EYS: variants seen among roughly 807,000 people sequenced by gnomAD.
EYS encodes EGF-like photoreceptor maintenance factor, also known as protein eyes shut homolog.
Under a neutral mutation model 282.1 loss-of-function variants are expected in EYS, and 250 were observed. That is an observed-to-expected ratio of 0.89 (90% confidence interval 0.80 to 0.98). EYS has a LOEUF of 0.98. EYS is among the 50% of genes least tolerant of loss of function. The pLI is 0.00. For missense variants in EYS, 4,016 were observed against 3,709.0 expected (o/e 1.08, Z -2.15); for synonymous variants, 1,355 against 1,282.9 (o/e 1.06, Z -1.20).
chr6:65,040,289 G>A (rs1010367568), intron 13 of EYS, among the ~76,000 whole-genome samples: 1 of 151,682 alleles, frequency 6.6e-6, no homozygotes, highest in Non-Finnish European at 1.5e-5. Context: ...CTATGAGAGA[G>A]AATCTCTTCC....
At chr6:65,442,937 T>A (rs1276642706) in intron 5 of EYS, among the ~76,000 whole-genome samples, 1 of 93,324 alleles carries the variant, frequency 1.1e-5, no homozygotes, top group East Asian at 3.6e-4. Context: ...TATATGTATA[T>A]ACGTATATAC....
intron 28 of EYS, among the ~76,000 whole-genome samples, chr6:64,396,909 T>C (rs1002408648): frequency 6.6e-6 from 1 of 152,080 alleles, no homozygotes; most frequent in Non-Finnish European, 1.5e-5. Flanking sequence ...TGTGCATGCA[T>C]GTGTGTGCAC....
intron 1 of EYS, among the ~76,000 whole-genome samples, chr6:65,680,822 C>T (rs891924232): frequency 6.6e-6 from 1 of 151,948 alleles, no homozygotes; most frequent in African/African-American, 2.4e-5. Context: ...TAACTCAATT[C>T]AATTCAATTC....
chr6:65,614,940 G>A (rs1766131457), intron 2 of EYS, among the ~76,000 whole-genome samples: 1 of 152,032 alleles, frequency 6.6e-6, no homozygotes, highest in Non-Finnish European at 1.5e-5. Context: ...ACACTACAAA[G>A]GCTAGTCCTT....
At chr6:64,082,067 CTTAGCATTTATAG>C in intron 31 of EYS, 65 bp from the exon 32 acceptor site, 1 of 1,125,836 alleles carries the variant, frequency 8.9e-7, no homozygotes, top group Non-Finnish European at 1.2e-6. Context: ...TAGATAAAAA[CTTAGCATTTATAG>C]TTAGCATTCA....
intron 22 of EYS, among the ~76,000 whole-genome samples, chr6:64,790,275 T>A (rs1774150032): frequency 6.6e-6 from 1 of 151,932 alleles, no homozygotes; most frequent in Admixed American, 6.6e-5. Context: ...GATCTATGAA[T>A]ACCAAACATC....
chr6:65,114,754 T>C (rs1581921981), intron 12 of EYS, among the ~76,000 whole-genome samples: 1 of 152,034 alleles, frequency 6.6e-6, no homozygotes, highest in Non-Finnish European at 1.5e-5. Context: ...TTTCATCCAC[T>C]ATTACAGGTT....
chr6:64,599,792 A>G (rs1175458829), intron 24 of EYS, among the ~76,000 whole-genome samples: 1 of 152,156 alleles, frequency 6.6e-6, no homozygotes, highest in Non-Finnish European at 1.5e-5. Context: ...AAACCACTAT[A>G]CTATACTTTT....
intron 2 of EYS, among the ~76,000 whole-genome samples, chr6:65,522,721 T>C (rs577222204): frequency 2.6e-5 from 4 of 152,328 alleles, no homozygotes; most frequent in Admixed American, 2.6e-4. Flanking sequence ...TTATTGAATA[T>C]GTATTTGATT....
chr6:64,302,458 T>C (rs1769269294), intron 30 of EYS, among the ~76,000 whole-genome samples: 1 of 152,214 alleles, frequency 6.6e-6, no homozygotes, highest in South Asian at 2.1e-4. Flanking sequence ...TTAGTGCACA[T>C]GCTCTTCCTG....
At chr6:64,063,358 ATTGT>A (rs557281033) in intron 33 of EYS, among the ~76,000 whole-genome samples, 3 of 152,124 alleles carry the variant, frequency 2.0e-5, no homozygotes, top group African/African-American at 7.2e-5. Flanking sequence ...CTCTTCTTGC[ATTGT>A]TTATTATTAT....
intron 29 of EYS, among the ~76,000 whole-genome samples, chr6:64,329,596 T>C (rs1020559684): frequency 6.6e-6 from 1 of 152,004 alleles, no homozygotes; most frequent in African/African-American, 2.4e-5. Flanking sequence ...CAGGCACCCG[T>C]AGTGGTGGAA....
At chr6:64,419,152 T>A (rs1451586274) in intron 28 of EYS, among the ~76,000 whole-genome samples, 1 of 152,174 alleles carries the variant, frequency 6.6e-6, no homozygotes, top group Non-Finnish European at 1.5e-5. Context: ...GCTATATTAG[T>A]CCATTCTCGT....
chr6:65,471,567 T>A (rs1277898663), intron 5 of EYS, among the ~76,000 whole-genome samples: 1 of 152,186 alleles, frequency 6.6e-6, no homozygotes, highest in African/African-American at 2.4e-5. Flanking sequence ...TAACTCCTGC[T>A]TTGACATCAT....
chr6:65,116,087 A>T (rs552017968), intron 12 of EYS, among the ~76,000 whole-genome samples: 249 of 152,246 alleles, frequency 1.6e-3, no homozygotes, highest in African/African-American at 5.8e-3. Context: ...AACACTAAAC[A>T]GTAACATTTT....
chr6:64,726,468 A>T (rs1771760207), intron 22 of EYS, among the ~76,000 whole-genome samples: 1 of 152,150 alleles, frequency 6.6e-6, no homozygotes. Flanking sequence ...AATATGGCTC[A>T]TGACTTAGTA....
rs541252751 is a variant in EYS at position 63,952,309 on chromosome 6, C to T, written c.7055+32074G>A. Among the ~76,000 whole-genome samples the T allele has an allele frequency of 1.7e-3, 262 of 152,332 alleles. 2 individuals are homozygous for T. Among genetic ancestry groups the T allele is most frequent in the Non-Finnish European group, 4.7e-4 (32 of 68,042 alleles). On this transcript the variant is annotated intron_variant, in intron 35 of 42. Transcript: ENST00000503581. ...ACTCACCCGGCAGCCACTCCCAGAG[C>T]CCCTGGAACTCTGGCCCAAGGCCTT...
At chr6:65,088,922 G>A (rs1774466436) in intron 12 of EYS, among the ~76,000 whole-genome samples, 1 of 152,142 alleles carries the variant, frequency 6.6e-6, no homozygotes, top group Non-Finnish European at 1.5e-5. Flanking sequence ...GGTACATCTC[G>A]TGACATTGCT....
chr6:64,766,649 A>AAAAAAAAAAAAAAAAAAATATAT (rs1387919586), intron 22 of EYS, among the ~76,000 whole-genome samples: 1 of 19,050 alleles, frequency 5.2e-5, no homozygotes, highest in Non-Finnish European at 1.0e-4. Context: ...AAAAAAAAAA[A>AAAAAAAAAAAAAAAAAAATATAT]ATATATATAT....
Sources: gnomAD v4.1 joint callset for allele counts (sites outside exome capture counted in the v4.1 genomes callset) on GRCh38, gnomAD v4.1.1 for gene constraint, MANE v1.5 for transcripts, NCBI Gene and HGNC (gene_info 2026-07-23, HGNC 2026-07-21) for gene names.